Variants in CLPB observed in about 807,000 individuals in gnomAD.
CLPB encodes ClpB family mitochondrial disaggregase.
CLPB carries 40 observed loss-of-function variants against 78.4 expected under a neutral mutation model. The ratio of observed to expected loss-of-function variants is 0.51; its 90% CI spans 0.40 to 0.66. The LOEUF (loss-of-function observed/expected upper bound fraction) is 0.66, where lower values mean the gene tolerates loss of function less well. CLPB is among the 30% of genes least tolerant of loss of function. The pLI, the probability that CLPB is intolerant of heterozygous loss-of-function variation, is 0.00. For synonymous variants in CLPB, 333 were observed against 348.0 expected, an observed-to-expected ratio of 0.96 and a Z score of 0.48; for missense variants, 780 against 886.9, an observed-to-expected ratio of 0.88 and a Z score of 1.53.
In CLPB at chr11:72,376,454, G is replaced by A. The variant is rs141247730; in HGVS notation, c.646+3827C>T. On this transcript the variant is annotated intron_variant, in intron 4 of 15. Coordinates refer to ENST00000538039, the MANE Select transcript of CLPB (RefSeq NM_001258392.3). ...TCACTATCCAGGTCCAAGTCGGAAC[G>A]TTCAGTGCACCAAGTTGGACAGCAG... 3.3e-3 allele frequency among the ~76,000 whole-genome samples: 497 copies of A among 151,728 alleles called. 2 individuals carry two copies. Among genetic ancestry groups the A allele is most frequent in the African/African-American group, 0.011 (475 of 41,334 alleles).
At chr11:72,392,300 G>A (rs979814632) in intron 3 of CLPB, among the ~76,000 whole-genome samples, 17 of 152,130 alleles carry the variant, frequency 1.1e-4, no homozygotes, top group African/African-American at 4.1e-4. Context: ...ACCTCGATGA[G>A]GGGAGGAAGT....
chr11:72,419,816 C>A (rs1172506731), intron 2 of CLPB, among the ~76,000 whole-genome samples: 1 of 152,192 alleles, frequency 6.6e-6, no homozygotes, highest in Admixed American at 6.5e-5. Context: ...TCCTTTGCAG[C>A]ATTTGTACTA....
intron 6 of CLPB, among the ~76,000 whole-genome samples, chr11:72,327,472 TA>T (rs569608736): frequency 6.0e-4 from 91 of 152,342 alleles, no homozygotes; most frequent in African/African-American, 2.0e-3. Flanking sequence ...CTCTGGACAT[TA>T]GCCCTGTAAT....
chr11:72,351,787 G>C (rs1950617909), intron 5 of CLPB, among the ~76,000 whole-genome samples: 1 of 151,976 alleles, frequency 6.6e-6, no homozygotes, highest in African/African-American at 2.4e-5. Context: ...GGCCAGGCTG[G>C]TCTTGAACTC....
At chr11:72,308,406 G>C in intron 8 of CLPB, 121 bp downstream of exon 8, 1 of 772,430 alleles carries the variant, frequency 1.3e-6, no homozygotes, top group South Asian at 1.5e-5. Context: ...GTTGCTTTTA[G>C]AGCTCAAGTT....
chr11:72,310,158 C>T (rs1199544986), intron 7 of CLPB, among the ~76,000 whole-genome samples: 1 of 152,172 alleles, frequency 6.6e-6, no homozygotes. Flanking sequence ...AGTTCAGCCT[C>T]AAGCCAGTGG....
At chr11:72,397,464 T>C (rs753638735) in intron 3 of CLPB, among the ~76,000 whole-genome samples, 3 of 152,250 alleles carry the variant, frequency 2.0e-5, no homozygotes, top group Non-Finnish European at 4.4e-5. Flanking sequence ...TGTTTTCCAA[T>C]GTGGCTATAC....
At chr11:72,329,039 A>T (rs558224515) in intron 6 of CLPB, among the ~76,000 whole-genome samples, 32 of 152,294 alleles carry the variant, frequency 2.1e-4, no homozygotes, top group African/African-American at 7.5e-4. Context: ...CCATCACTGG[A>T]CTTGATTTCT....
intron 4 of CLPB, among the ~76,000 whole-genome samples, chr11:72,367,443 C>T (rs1173194894): frequency 1.3e-5 from 2 of 152,168 alleles, no homozygotes; most frequent in African/African-American, 4.8e-5. Context: ...GGATTACAGG[C>T]ATGAGCTGTG....
chr11:72,360,147 A>G (rs1950807435), intron 4 of CLPB, among the ~76,000 whole-genome samples: 1 of 152,174 alleles, frequency 6.6e-6, no homozygotes, highest in East Asian at 1.9e-4. Flanking sequence ...TATCCAGGCA[A>G]CTGTCTTACA....
At position 72,286,223 on chromosome 11, in the gene CLPB, G is replaced by GTTTTTTTTTTGTTTTTTTTTTTTTT. The variant is rs1205532935; in HGVS notation, c.*7143_*7144insAAAAAAAAAAAAAACAAAAAAAAAA. 1.7e-5 allele frequency: 1 copy of GTTTTTTTTTTGTTTTTTTTTTTTTT among 60,464 alleles called. No individual in the cohort carries two copies. Among genetic ancestry groups the GTTTTTTTTTTGTTTTTTTTTTTTTT allele is most frequent in the Non-Finnish European group, 3.1e-5 (1 of 32,206 alleles). The allele number at this position is 60,464 out of a possible 1,614,324, so 3.7% of individuals were successfully genotyped here. ...ATTACAGGTGTGAGATACTGCACCT[G>GTTTTTTTTTTGTTTTTTTTTTTTTT]TTTTTTTTTTTTTTTTTTTTTTTAA... is the stretch of plus-strand genomic sequence containing the variant. On this transcript the variant is annotated 3_prime_UTR_variant, in exon 16 of 16. Coordinates refer to ENST00000538039, the MANE Select transcript of CLPB (RefSeq NM_001258392.3).
chr11:72,294,053 A>T lies in CLPB; in HGVS notation c.1754T>A (p.Val585Glu), dbSNP rs768452523. ...TTTGATGGAGCGGGCGCCATAGTGC[A>T]CATTGTAGCCGTCGACCAGCACATC... ...VADVLVDGYN[V>E]HYGARSIKHE... The change falls in exon 15 of 16, where the codon GTG (valine) becomes GAG (glutamate). Residue 585 changes from valine (V) to glutamate (E), a missense_variant. Val to Glu is a moderately radical substitution (Grantham distance 121). Around this residue, in one of 3 missense-constraint regions of CLPB, gnomAD observed 272 missense variants for 304.0 expected, o/e 0.89. Coordinates refer to ENST00000538039, the MANE Select transcript of CLPB (RefSeq NM_001258392.3). 5.6e-6 allele frequency: 9 copies of T among 1,614,016 alleles called. No individual in the cohort carries two copies. The highest frequency in any genetic ancestry group is 8.5e-7 in the Non-Finnish European group (1 of 1,180,024).
At chr11:72,354,003 A>G (rs948073795) in intron 5 of CLPB, among the ~76,000 whole-genome samples, 1 of 152,110 alleles carries the variant, frequency 6.6e-6, no homozygotes, top group Non-Finnish European at 1.5e-5. Context: ...TAAAGTACCT[A>G]CTCTGGAGAA....
chr11:72,375,132 G>GT (rs1247666647), intron 4 of CLPB, among the ~76,000 whole-genome samples: 1 of 152,074 alleles, frequency 6.6e-6, no homozygotes, highest in Admixed American at 6.6e-5. Flanking sequence ...TATTTTAAAT[G>GT]TTTTTTTGGA....
At chr11:72,405,415 T>C (rs1415985199) in intron 2 of CLPB, among the ~76,000 whole-genome samples, 2 of 152,176 alleles carry the variant, frequency 1.3e-5, no homozygotes, top group African/African-American at 2.4e-5. Flanking sequence ...TCCAGAAAAG[T>C]GCATAGGAGC....
intron 4 of CLPB, among the ~76,000 whole-genome samples, chr11:72,364,489 G>A (rs58025709): frequency 6.6e-6 from 1 of 151,860 alleles, no homozygotes; most frequent in Non-Finnish European, 1.5e-5. Flanking sequence ...TTACAGGTGT[G>A]AGTCACTGCG....
At chr11:72,433,355 C>T (rs1281234862) in intron 1 of CLPB, among the ~76,000 whole-genome samples, 1 of 151,976 alleles carries the variant, frequency 6.6e-6, no homozygotes, top group Non-Finnish European at 1.5e-5. Context: ...GTCAAGAGAT[C>T]GAGACCATCC....
chr11:72,325,833 A>G (rs1950124091), intron 6 of CLPB, among the ~76,000 whole-genome samples: 1 of 152,176 alleles, frequency 6.6e-6, no homozygotes, highest in Non-Finnish European at 1.5e-5. Context: ...ACATTTTTGG[A>G]AAACTCTGGG....
intron 2 of CLPB, chr11:72,428,982 A>G (rs1271421469): frequency 1.3e-5 from 2 of 152,224 alleles, no homozygotes; most frequent in Non-Finnish European, 2.9e-5. Context: ...TGCCCTGCCA[A>G]AAGGGGAAAG....
Sources: allele counts gnomAD v4.1 joint callset (sites outside exome capture counted in the v4.1 genomes callset), GRCh38; gene constraint gnomAD v4.1.1; regional missense constraint gnomAD v4.1.1; transcripts MANE v1.5; gene names NCBI Gene and HGNC (gene_info 2026-07-23, HGNC 2026-07-21).